The following PSD3 variants were observed in gnomAD, a reference collection of about 807,000 sequenced individuals.
PSD3 encodes pleckstrin and Sec7 domain containing 3, also known as PH and SEC7 domain-containing protein 3.
In PSD3, 49 loss-of-function variants were observed where a neutral mutation model predicts 105.5. The observed-to-expected ratio is 0.46, with a 90% confidence interval of 0.37 to 0.59. PSD3 has a LOEUF of 0.59. PSD3 is among the 20% of genes least tolerant of loss of function. The pLI, the probability that PSD3 is intolerant of heterozygous loss-of-function variation, is 0.00. For synonymous variants in PSD3, 557 were observed against 457.8 expected, an observed-to-expected ratio of 1.22 and a Z score of -2.77; for missense variants, 1,561 against 1,263.8, an observed-to-expected ratio of 1.24 and a Z score of -3.57.
chr8:18,904,866 G>A (rs926720706), intron 2 of PSD3, among the ~76,000 whole-genome samples: 1 of 152,122 alleles, frequency 6.6e-6, no homozygotes, highest in African/African-American at 2.4e-5. Flanking sequence ...AGACAAGAGA[G>A]GAATAGGATT....
At chr8:18,703,370 A>G (rs1040378593) in intron 9 of PSD3, among the ~76,000 whole-genome samples, 2 of 152,216 alleles carry the variant, frequency 1.3e-5, no homozygotes, top group Non-Finnish European at 1.5e-5. Flanking sequence ...CCTTAAAGGT[A>G]TGAAAAGGTG....
chr8:18,716,472 C>G (rs1478818563), intron 9 of PSD3, among the ~76,000 whole-genome samples: 1 of 152,098 alleles, frequency 6.6e-6, no homozygotes, highest in African/African-American at 2.4e-5. Context: ...AAACAAAAGG[C>G]TGAGAGTGGG....
rs746132126 is a variant in PSD3 at position 18,804,602 on chromosome 8, G to A, written c.1830C>T (p.Asn610=). ...CTGCAACTAGTTTGCTAAATTCGTTGCTATAAGAAAACAGAATAGACTTGG... is the reference window on the plus strand; with the variant it reads ...CTGCAACTAGTTTGCTAAATTCGTTACTATAAGAAAACAGAATAGACTTGG... ...RSDVAKHLGK[N]NEFSKLVAEE... is the part of the protein sequence containing the mutation. The change falls in exon 6 of 16, where the codon AAC becomes AAT. Residue 610 remains asparagine, a splice_region_variant and synonymous_variant. Transcript: ENST00000327040. 3.1e-6 allele frequency: 5 copies of A among 1,612,458 alleles called. No homozygotes were observed. The highest frequency in any genetic ancestry group is 2.7e-5 in the African/African-American group (2 of 74,850).
intron 2 of PSD3, among the ~76,000 whole-genome samples, chr8:18,893,479 C>T (rs989000880): frequency 1.3e-5 from 2 of 152,120 alleles, no homozygotes; most frequent in African/African-American, 2.4e-5. Flanking sequence ...TAACTCTAAG[C>T]CGTTTCTTTT....
chr8:18,620,251 C>T (rs1470990161), intron 11 of PSD3, among the ~76,000 whole-genome samples: 1 of 151,944 alleles, frequency 6.6e-6, no homozygotes, highest in African/African-American at 2.4e-5. Context: ...TGATTTATGT[C>T]TTTGCCTGTA....
At chr8:18,609,386 A>C (rs1203585022) in intron 11 of PSD3, among the ~76,000 whole-genome samples, 1 of 152,238 alleles carries the variant, frequency 6.6e-6, no homozygotes, top group East Asian at 1.9e-4. Flanking sequence ...CACAATATAA[A>C]GCAATCCCAA....
intron 9 of PSD3, among the ~76,000 whole-genome samples, chr8:18,685,295 T>G (rs528366663): frequency 1.3e-4 from 20 of 152,356 alleles, no homozygotes; most frequent in Admixed American, 9.1e-4. Context: ...TTACTAAAGT[T>G]ATGTTTTAAT....
At chr8:18,821,267 C>T (rs1391344397) in intron 4 of PSD3, among the ~76,000 whole-genome samples, 3 of 151,468 alleles carry the variant, frequency 2.0e-5, no homozygotes, top group South Asian at 2.1e-4. Flanking sequence ...CTCTATTCAA[C>T]GCCTTTTAAA....
intron 9 of PSD3, among the ~76,000 whole-genome samples, chr8:18,741,668 G>C (rs1325272691): frequency 6.6e-6 from 1 of 152,058 alleles, no homozygotes; most frequent in Admixed American, 6.5e-5. Flanking sequence ...ATCCAATCCT[G>C]TGCTAAGATT....
chr8:18,936,297 T>A (rs10092815), intron 1 of PSD3, among the ~76,000 whole-genome samples, 155 bp from the exon 2 acceptor site: 1 of 152,068 alleles, frequency 6.6e-6, no homozygotes, highest in African/African-American at 2.4e-5. Flanking sequence ...AAGTGTAACA[T>A]GAAAAGAATC....
intron 1 of PSD3, among the ~76,000 whole-genome samples, chr8:19,011,775 A>C (rs1302346561): frequency 6.6e-6 from 1 of 152,178 alleles, no homozygotes; most frequent in Non-Finnish European, 1.5e-5. Flanking sequence ...CATTTAAAAA[A>C]AAAAAAACAA....
intron 4 of PSD3, among the ~76,000 whole-genome samples, chr8:18,815,419 C>G (rs969288452): frequency 4.6e-5 from 7 of 152,152 alleles, no homozygotes; most frequent in Non-Finnish European, 8.8e-5. Flanking sequence ...AGCGATTCTC[C>G]TGCCTCAGAC....
chr8:18,863,960 G>A (rs905309833), intron 4 of PSD3, among the ~76,000 whole-genome samples: 3 of 151,976 alleles, frequency 2.0e-5, no homozygotes, highest in Non-Finnish European at 4.4e-5. Flanking sequence ...CCAACCTCTT[G>A]CACCTTTCTT....
intron 9 of PSD3, among the ~76,000 whole-genome samples, chr8:18,725,176 C>A (rs1483774750): frequency 6.6e-6 from 1 of 152,242 alleles, no homozygotes; most frequent in South Asian, 2.1e-4. Context: ...CCAATCCACC[C>A]AAATTCTATC....
chr8:18,939,157 A>C (rs73584608), intron 1 of PSD3, among the ~76,000 whole-genome samples: 1,936 of 152,346 alleles, frequency 0.013, 38 homozygotes, highest in African/African-American at 0.045. Flanking sequence ...TTTAAGGCCG[A>C]GAACTGTTCT....
At chr8:18,887,393 G>A (rs1460405755) in intron 2 of PSD3, among the ~76,000 whole-genome samples, 1 of 152,114 alleles carries the variant, frequency 6.6e-6, no homozygotes, top group Non-Finnish European at 1.5e-5. Context: ...TTGGAAATGT[G>A]ACATGAGAAG....
At chr8:18,993,177 A>T (rs1173826661) in intron 1 of PSD3, among the ~76,000 whole-genome samples, 1 of 152,102 alleles carries the variant, frequency 6.6e-6, no homozygotes, top group Non-Finnish European at 1.5e-5. Flanking sequence ...GAGTGAGTGT[A>T]CTCCTTTTGC....
chr8:18,966,918 T>C (rs1180632954), intron 1 of PSD3, among the ~76,000 whole-genome samples: 1 of 152,042 alleles, frequency 6.6e-6, no homozygotes, highest in South Asian at 2.1e-4. Flanking sequence ...AAGGCTTGGG[T>C]AGGGGGAGAA....
intron 15 of PSD3, among the ~76,000 whole-genome samples, chr8:18,539,817 A>G (rs1800055303): frequency 6.6e-6 from 1 of 152,056 alleles, no homozygotes. Flanking sequence ...AACTGCTGGG[A>G]TTACAAGCGT....
Sources: gnomAD v4.1 joint callset for allele counts (sites outside exome capture counted in the v4.1 genomes callset) on GRCh38, gnomAD v4.1.1 for gene constraint, MANE v1.5 for transcripts, NCBI Gene and HGNC (gene_info 2026-07-23, HGNC 2026-07-21) for gene names.